Variants in NLRC4 observed in about 807,000 individuals in gnomAD.
The protein encoded by NLRC4 is NLR family CARD domain containing 4, also known as NLR family CARD domain-containing protein 4.
NLRC4 carries 63 observed loss-of-function variants against 79.9 expected under a neutral mutation model. The observed-to-expected ratio is 0.79, with a 90% CI of 0.64 to 0.97. The LOEUF is 0.97. Ranked by LOEUF, NLRC4 falls within the 50% of genes least tolerant of loss-of-function variation. The probability of loss-of-function intolerance (pLI) is 0.00; values close to 1 mark genes in which losing one functional copy is unlikely to be tolerated. For missense variants in NLRC4, 1,074 were observed against 1,215.2 expected (o/e 0.88, Z 1.73); for synonymous variants, 461 against 456.5 (o/e 1.01, Z -0.12).
At chr2:32,253,477 T>C (rs1053445350) in intron 2 of NLRC4, among the ~76,000 whole-genome samples, 3 of 152,084 alleles carry the variant, frequency 2.0e-5, no homozygotes, top group Non-Finnish European at 4.4e-5. Flanking sequence ...CCCAGAGTTA[T>C]TGATGAGCAA....
At chr2:32,225,196 T>C (rs1686351284) in intron 8 of NLRC4, among the ~76,000 whole-genome samples, 1 of 152,172 alleles carries the variant, frequency 6.6e-6, no homozygotes, top group South Asian at 2.1e-4. Flanking sequence ...GGTATGTTCC[T>C]AACTGTAAAC....
chr2:32,250,632 T>G lies in NLRC4; in HGVS notation c.1232A>C (p.Gln411Pro), dbSNP rs1368883968. The G allele has an allele frequency of 9.9e-6, 16 of 1,614,196 alleles. No homozygotes were observed. The highest frequency in any genetic ancestry group is 1.4e-5 in the Non-Finnish European group (16 of 1,180,026). ...ATCCTCATTCACGCTGGACACATCC[T>G]GCAGTTCGAAATCAAACTTGTGGGA... The part of the protein sequence containing the change: ...VFSHKFDFEL[Q>P]DVSSVNEDVL... The change falls in exon 4 of 9, where the codon CAG becomes CCG. Residue 411 changes from glutamine (Q) to proline (P), a missense_variant. Physicochemically the swap from Gln to Pro is moderately conservative, Grantham distance 76. Transcript: ENST00000402280. The surrounding 1 kb of genome is among the most constrained non-coding windows in gnomAD (Gnocchi z 4.9).
In NLRC4 at chr2:32,251,602, CTAT is replaced by C. The variant is rs1369712151; in HGVS notation, c.263-4_263-2del. ...CCTTCTGATGTCTGATGAAAAAGAC[CTAT>C]TAGAGAAGAGGTGATGTTAAAGAAG... On this transcript the variant is annotated splice_acceptor_variant and splice_polypyrimidine_tract_variant and intron_variant, in intron 3 of 8. Coordinates refer to ENST00000402280, the MANE Select transcript of NLRC4 (RefSeq NM_001199138.2). LOFTEE classifies it high-confidence loss of function. 1 of 1,578,466 alleles carries C rather than the reference CTAT, an allele frequency of 6.3e-7. No individual in the cohort carries two copies. Among genetic ancestry groups the C allele is most frequent in the Non-Finnish European group, 8.6e-7 (1 of 1,162,914 alleles).
chr2:32,259,502 T>C (rs913194209), intron 1 of NLRC4, among the ~76,000 whole-genome samples: 1 of 151,998 alleles, frequency 6.6e-6, no homozygotes, highest in African/African-American at 2.4e-5. Context: ...TTCTTGCATA[T>C]TCAATGTAAG....
chr2:32,251,664 C>T, intron 3 of NLRC4, 63 bp from the exon 4 acceptor site: 1 of 1,139,370 alleles, frequency 8.8e-7, no homozygotes, highest in Middle Eastern at 2.7e-4. Flanking sequence ...ACCTAGAGTT[C>T]AGGAGGATGA....
chr2:32,236,903 C>G (rs931485798), intron 6 of NLRC4, among the ~76,000 whole-genome samples: 1 of 152,072 alleles, frequency 6.6e-6, no homozygotes, highest in East Asian at 1.9e-4. Context: ...TCAAATTTAT[C>G]CATATCAACA....
At chr2:32,262,731 G>C (rs1687380230) in intron 1 of NLRC4, among the ~76,000 whole-genome samples, 1 of 151,572 alleles carries the variant, frequency 6.6e-6, no homozygotes, top group Non-Finnish European at 1.5e-5. Context: ...AGCCAAGATA[G>C]CACCATTGCA....
chr2:32,250,366 C>G lies in NLRC4; in HGVS notation c.1498G>C (p.Glu500Gln). ...LLRYTCGSSV[E>Q]ATRAVMKHLA... is the part of the protein sequence containing the mutation. ...TGCTTCATAACAGCCCTGGTGGCTTCCACAGATGACCCACAGGTGTACCGG... is the reference window on the plus strand; with the variant it reads ...TGCTTCATAACAGCCCTGGTGGCTTGCACAGATGACCCACAGGTGTACCGG... The change falls in exon 4 of 9, where the codon GAA becomes CAA. Residue 500 changes from glutamate to glutamine, a missense_variant. Physicochemically the swap from Glu to Gln is conservative, Grantham distance 29. Transcript: ENST00000402280. This position sits in a 1 kb window ranked among gnomAD's most constrained non-coding sequence, Gnocchi z 4.9. The G allele has an allele frequency of 1.2e-6, 2 of 1,614,188 alleles. No homozygotes were observed. Among genetic ancestry groups the G allele is most frequent in the Non-Finnish European group, 8.5e-7 (1 of 1,180,050 alleles).
intron 8 of NLRC4, 62 bp downstream of exon 8, chr2:32,235,339 C>T: frequency 8.8e-6 from 11 of 1,256,246 alleles, no homozygotes; most frequent in Non-Finnish European, 1.3e-5. Flanking sequence ...ATAAGCAAAG[C>T]CAACTTAAGA....
chr2:32,255,046 C>T (rs1319909717), intron 2 of NLRC4, among the ~76,000 whole-genome samples: 1 of 151,934 alleles, frequency 6.6e-6, no homozygotes, highest in Non-Finnish European at 1.5e-5. Flanking sequence ...CCCAGCCGTC[C>T]TTTCTCACCA....
chr2:32,263,109 A>G (rs1437516594), intron 1 of NLRC4, among the ~76,000 whole-genome samples: 1 of 152,216 alleles, frequency 6.6e-6, no homozygotes, highest in African/African-American at 2.4e-5. Context: ...CTGGACCCAT[A>G]TAACCCACGT....
chr2:32,238,671 G>GC, intron 5 of NLRC4, among the ~76,000 whole-genome samples: 1 of 150,744 alleles, frequency 6.6e-6, no homozygotes, highest in South Asian at 2.1e-4. Context: ...CAGCGGGGGG[G>GC]CTGAGTTCAG....
intron 4 of NLRC4, among the ~76,000 whole-genome samples, chr2:32,242,406 C>T (rs988293405): frequency 4.6e-5 from 7 of 152,126 alleles, no homozygotes; most frequent in African/African-American, 1.7e-4. Context: ...AATTTGACAA[C>T]ATATATGAAA....
chr2:32,256,930 G>A, intron 1 of NLRC4, 37 bp from the exon 2 acceptor site: 1 of 586,744 alleles, frequency 1.7e-6, no homozygotes, highest in Non-Finnish European at 3.1e-6. Context: ...AGACTATCAG[G>A]TGGAGGGGCT....
rs561302438 is a variant in NLRC4, at chr2:32,251,207, T to C, written c.657A>G (p.Gln219=). The C allele has an allele frequency of 5.6e-6, 9 of 1,613,988 alleles. No homozygotes were observed. Among genetic ancestry groups the C allele is most frequent in the South Asian group, 4.4e-5 (4 of 91,072 alleles). ...TGATTGTGCCAGGTATATCCAGGAGTTGATCACAGAGGGTTTCAAAAAGTC... is the reference window on the plus strand; with the variant it reads ...TGATTGTGCCAGGTATATCCAGGAGCTGATCACAGAGGGTTTCAAAAAGTC... ...QGGLFETLCD[Q]LLDIPGTIRK... Residue 219 remains glutamine (Q), a synonymous_variant, in exon 4 of 9, where the codon CAA becomes CAG. Transcript: ENST00000402280.
intron 7 of NLRC4, among the ~76,000 whole-genome samples, 167 bp from the exon 8 acceptor site, chr2:32,235,735 A>G (rs1406597611): frequency 6.6e-6 from 1 of 150,640 alleles, no homozygotes; most frequent in South Asian, 2.1e-4. Flanking sequence ...GTATTCAAGC[A>G]TATACAAACA....
At position 32,235,486 on chromosome 2, in the gene NLRC4, C is replaced by T; in HGVS notation, c.2697G>A (p.Leu899=). 1.2e-6 allele frequency: 2 copies of T among 1,614,088 alleles called. No individual in the cohort carries two copies. Among genetic ancestry groups the T allele is most frequent in the East Asian group, 2.2e-5 (1 of 44,884 alleles). ...GTGGGACCTCCTCCAAATGTTTCAA[C>T]AGGCTGCTCAGGCTGCCTTGCACGT... ...GCDVQGSLSS[L]LKHLEEVPQL... is the part of the protein sequence containing the mutation. Residue 899 remains leucine (L), a synonymous_variant, in exon 8 of 9, where the codon CTG becomes CTA. Transcript: ENST00000402280.
intron 2 of NLRC4, among the ~76,000 whole-genome samples, chr2:32,254,552 C>T (rs1687158981): frequency 6.6e-6 from 1 of 151,500 alleles, no homozygotes; most frequent in Non-Finnish European, 1.5e-5. Context: ...AAATGTCTTC[C>T]TGGTTTTTAA....
chr2:32,264,146 A>T (rs1687413640), intron 1 of NLRC4, among the ~76,000 whole-genome samples: 1 of 151,968 alleles, frequency 6.6e-6, no homozygotes, highest in Admixed American at 6.6e-5. Context: ...AACAAGAGTG[A>T]GTTTCCTGGC....
Sources: allele counts gnomAD v4.1 joint callset (sites outside exome capture counted in the v4.1 genomes callset), GRCh38; gene constraint gnomAD v4.1.1; non-coding constraint Gnocchi (gnomAD v3.1); transcripts MANE v1.5; gene names NCBI Gene and HGNC (gene_info 2026-07-23, HGNC 2026-07-21).